DCC: variants seen among roughly 807,000 people sequenced by gnomAD.
DCC encodes netrin receptor DCC.
DCC carries 58 observed loss-of-function variants against 172.5 expected under a neutral mutation model. The ratio of observed to expected loss-of-function variants is 0.34; its 90% CI spans 0.27 to 0.42. DCC has a LOEUF of 0.42. DCC is among the 10% of genes least tolerant of loss of function. The probability of loss-of-function intolerance (pLI) is 1.00; values close to 1 mark genes in which losing one functional copy is unlikely to be tolerated. For missense variants in DCC, 1,740 were observed against 1,791.0 expected, an observed-to-expected ratio of 0.97 and a Z score of 0.51; for synonymous variants, 709 against 644.5, an observed-to-expected ratio of 1.10 and a Z score of -1.52.
intron 1 of DCC, among the ~76,000 whole-genome samples, chr18:52,497,302 T>C: frequency 1.2e-5 from 1 of 83,278 alleles, no homozygotes; most frequent in Non-Finnish European, 2.6e-5. Context: ...TATATATATA[T>C]ATATATATAT....
At chr18:52,466,281 G>T (rs1056058516) in intron 1 of DCC, among the ~76,000 whole-genome samples, 2 of 152,170 alleles carry the variant, frequency 1.3e-5, no homozygotes, top group African/African-American at 4.8e-5. Flanking sequence ...TATGTCCATG[G>T]TGGGTCTAAC....
At chr18:53,036,223 C>T (rs2042090363) in intron 5 of DCC, among the ~76,000 whole-genome samples, 1 of 151,924 alleles carries the variant, frequency 6.6e-6, no homozygotes, top group Non-Finnish European at 1.5e-5. Context: ...AGGATGTGTA[C>T]CTACACAATT....
intron 26 of DCC, among the ~76,000 whole-genome samples, chr18:53,491,928 A>G (rs975979655): frequency 3.3e-5 from 5 of 152,242 alleles, no homozygotes; most frequent in African/African-American, 1.2e-4. Context: ...ACTCCAACCA[A>G]CAGTGTAAAA....
intron 2 of DCC, among the ~76,000 whole-genome samples, chr18:52,897,852 G>A (rs2039753636): frequency 7.3e-6 from 1 of 137,396 alleles, no homozygotes. Flanking sequence ...AAAATAAAAA[G>A]GAGTGGGAGA....
At chr18:52,621,217 G>A (rs902336960) in intron 1 of DCC, among the ~76,000 whole-genome samples, 3 of 152,156 alleles carry the variant, frequency 2.0e-5, no homozygotes, top group Non-Finnish European at 4.4e-5. Flanking sequence ...TGAAAATTCA[G>A]CAAACTGAAT....
intron 5 of DCC, among the ~76,000 whole-genome samples, chr18:53,022,752 C>A (rs1474369877): frequency 6.6e-6 from 1 of 151,936 alleles, no homozygotes; most frequent in African/African-American, 2.4e-5. Context: ...CATCAATACA[C>A]TGGATACTTC....
At chr18:52,631,181 T>A (rs2144880116) in intron 1 of DCC, among the ~76,000 whole-genome samples, 1 of 152,350 alleles carries the variant, frequency 6.6e-6, no homozygotes, top group East Asian at 1.9e-4. Context: ...TTGGGACACT[T>A]TTTTCTACCT....
chr18:53,504,301 C>T (rs1052733940), intron 27 of DCC, among the ~76,000 whole-genome samples: 4 of 152,150 alleles, frequency 2.6e-5, no homozygotes, highest in Non-Finnish European at 4.4e-5. Context: ...CTGCTAAAAT[C>T]AGCCACAGGC....
At chr18:53,344,775 C>G (rs985343852) in intron 15 of DCC, among the ~76,000 whole-genome samples, 4 of 151,006 alleles carry the variant, frequency 2.6e-5, no homozygotes, top group African/African-American at 9.7e-5. Flanking sequence ...AGCAATATGT[C>G]TGATATTGCA....
intron 4 of DCC, 106 bp from the exon 5 acceptor site, chr18:52,925,128 T>C: frequency 2.6e-6 from 3 of 1,134,518 alleles, no homozygotes; most frequent in Non-Finnish European, 4.0e-6. Flanking sequence ...ACAGTTTCTT[T>C]CAAGTGTCTT....
chr18:53,185,847 C>A (rs2055273327), intron 9 of DCC, among the ~76,000 whole-genome samples: 1 of 152,066 alleles, frequency 6.6e-6, no homozygotes, highest in South Asian at 2.1e-4. Context: ...TTGTTCAAAA[C>A]AAAAAAGTTA....
chr18:52,635,670 C>A (rs1335680187), intron 1 of DCC, among the ~76,000 whole-genome samples: 1 of 152,152 alleles, frequency 6.6e-6, no homozygotes, highest in Non-Finnish European at 1.5e-5. Context: ...CCATTCAGAG[C>A]TGCACAGCTA....
At chr18:53,519,472 C>T (rs911253569) in intron 27 of DCC, among the ~76,000 whole-genome samples, 3 of 151,704 alleles carry the variant, frequency 2.0e-5, no homozygotes, top group Non-Finnish European at 4.4e-5. Context: ...CAGTACTGAT[C>T]CTCTTCTCAC....
At chr18:52,934,657 C>G (rs1264602183) in intron 5 of DCC, 1 of 152,114 alleles carries the variant, frequency 6.6e-6, no homozygotes, top group Non-Finnish European at 1.5e-5. Flanking sequence ...ATGTTGAAAT[C>G]CTAACCCCCA....
intron 15 of DCC, among the ~76,000 whole-genome samples, chr18:53,354,867 T>C (rs1303752987): frequency 6.8e-6 from 1 of 148,128 alleles, no homozygotes; most frequent in Admixed American, 6.7e-5. Context: ...ATGTCCTGAA[T>C]GGTATTGCCT....
chr18:52,589,809 T>C (rs1003224758), intron 1 of DCC, among the ~76,000 whole-genome samples: 1 of 152,182 alleles, frequency 6.6e-6, no homozygotes, highest in Non-Finnish European at 1.5e-5. Context: ...TTAAAGCAAG[T>C]TGACTCGCAC....
chr18:52,584,302 C>G (rs1227457085), intron 1 of DCC, among the ~76,000 whole-genome samples: 1 of 152,180 alleles, frequency 6.6e-6, no homozygotes, highest in Non-Finnish European at 1.5e-5. Flanking sequence ...GCACATCAGC[C>G]TATCTTGGGA....
At chr18:52,833,304 T>C (rs1179299093) in intron 2 of DCC, among the ~76,000 whole-genome samples, 1 of 152,162 alleles carries the variant, frequency 6.6e-6, no homozygotes, top group Non-Finnish European at 1.5e-5. Context: ...AATGCATCTC[T>C]TTTAGAGCCC....
intron 2 of DCC, among the ~76,000 whole-genome samples, chr18:52,869,660 G>A (rs2039286404): frequency 6.6e-6 from 1 of 152,192 alleles, no homozygotes; most frequent in Non-Finnish European, 1.5e-5. Flanking sequence ...GCACCGAGCT[G>A]CCCTCAGCCC....
Sources: allele counts gnomAD v4.1 joint callset (sites outside exome capture counted in the v4.1 genomes callset), GRCh38; gene constraint gnomAD v4.1.1; transcripts MANE v1.5; gene names NCBI Gene and HGNC (gene_info 2026-07-23, HGNC 2026-07-21).